The following ATP6V0C variants were observed in gnomAD, a reference collection of about 807,000 sequenced individuals.
ATP6V0C encodes the protein V-type proton ATPase 16 kDa proteolipid subunit c.
A neutral mutation model predicts 10.6 loss-of-function variants in ATP6V0C; 2 were observed. That is an observed-to-expected ratio of 0.19 (90% confidence interval 0.08 to 0.59). The LOEUF is 0.59. ATP6V0C is among the 20% of genes least tolerant of loss of function. The probability of loss-of-function intolerance (pLI) is 0.90; values close to 1 mark genes in which losing one functional copy is unlikely to be tolerated. For synonymous variants in ATP6V0C, 128 were observed against 101.3 expected (o/e 1.26, Z -1.59); for missense variants, 89 against 225.9 (o/e 0.39, Z 3.88).
rs145396449 is a variant in ATP6V0C, at chr16:2,519,381, T to C, written c.243T>C (p.Asn81=). 2 of 1,613,752 alleles carry C rather than the reference T, an allele frequency of 1.2e-6. No individual in the cohort carries two copies. Among genetic ancestry groups the C allele is most frequent in the Non-Finnish European group, 1.7e-6 (2 of 1,179,732 alleles). The change falls in exon 2 of 3, where the codon AAT becomes AAC. Residue 81 remains asparagine, a synonymous_variant. Coordinates refer to ENST00000330398, the MANE Select transcript of ATP6V0C (RefSeq NM_001694.4). The part of the protein sequence containing the change: ...VVAVLIANSL[N]DDISLYKSFL... The stretch of plus-strand genomic sequence containing the variant: ...CAGTCCTCATCGCCAACTCCCTGAA[T>C]GACGACATCAGCCTCTACAAGTGAG...
chr16:2,515,058 C>T (rs951731972), intron 1 of ATP6V0C, among the ~76,000 whole-genome samples: 1 of 152,026 alleles, frequency 6.6e-6, no homozygotes, highest in African/African-American at 2.4e-5. Context: ...TCCTTTCCCT[C>T]CCTGAGGCCT....
Position 2,519,998 on chromosome 16 carries a change from G to A in ATP6V0C, c.*253G>A. ...CCCCCTAGAGTGCTCTGTGTATGCG[G>A]ATGATTTAGAATTGTCATTTCTCTT... On this transcript the variant is annotated 3_prime_UTR_variant, in exon 3 of 3. Transcript: ENST00000330398. The A allele has an allele frequency of 1.4e-6, 1 of 693,770 alleles. No individual in the cohort carries two copies. The highest frequency in any genetic ancestry group is 1.5e-5 in the South Asian group (1 of 66,650). 43.0% of individuals were successfully genotyped at this position (693,770 alleles called of 1,614,324 possible).
chr16:2,514,963 C>G (rs2065869915), intron 1 of ATP6V0C, among the ~76,000 whole-genome samples: 2 of 152,036 alleles, frequency 1.3e-5, no homozygotes, highest in Admixed American at 1.3e-4. Context: ...GCATGGGTGT[C>G]CGAGTTTATG....
chr16:2,514,714 G>C (rs1191395826), intron 1 of ATP6V0C, among the ~76,000 whole-genome samples: 1 of 152,228 alleles, frequency 6.6e-6, no homozygotes, highest in African/African-American at 2.4e-5. Flanking sequence ...CGGCCCCGAG[G>C]GTCAGGTGGG....
chr16:2,519,880 G>T lies in ATP6V0C; in HGVS notation c.*135G>T. The T allele has an allele frequency of 8.2e-7, 1 of 1,223,152 alleles. No homozygotes were observed. The highest frequency in any genetic ancestry group is 1.9e-5 in the Admixed American group (1 of 52,362). 75.8% of individuals were successfully genotyped at this position (1,223,152 alleles called of 1,614,324 possible). A position where few individuals can be genotyped will look rare whatever the true frequency, so the allele number is the denominator to read the frequency against. On this transcript the variant is annotated 3_prime_UTR_variant, in exon 3 of 3. Coordinates refer to ENST00000330398, the MANE Select transcript of ATP6V0C (RefSeq NM_001694.4). ...TCTTGTACATGCGCAGTGTCCTAGT[G>T]CCCATCGTCTGTTTCCCCGGCCTTG...
At chr16:2,513,852 C>T (rs1235551999), upstream of ATP6V0C, 1 of 350,564 alleles carries the variant, frequency 2.9e-6, no homozygotes, top group Non-Finnish European at 5.3e-6. Flanking sequence ...GTCAACGGGC[C>T]GGCCGGGCGT....
intron 1 of ATP6V0C, among the ~76,000 whole-genome samples, chr16:2,515,170 A>G (rs142904059): frequency 2.0e-3 from 311 of 152,146 alleles, no homozygotes; most frequent in African/African-American, 7.2e-3. Flanking sequence ...TGGGCGTCCA[A>G]TTTAGTGACA....
Position 2,519,619 on chromosome 16 carries a change from G to T in ATP6V0C, c.342G>T (p.Gly114=), listed in dbSNP as rs1345599973. The change falls in exon 3 of 3, where the codon GGG becomes GGT. Residue 114 remains glycine (G), a synonymous_variant. Coordinates refer to ENST00000330398, the MANE Select transcript of ATP6V0C (RefSeq NM_001694.4). ...CCGGCTTTGCCATCGGCATCGTGGG[G>T]GACGCTGGCGTGCGGGGCACCGCCC... The part of the protein sequence containing the change: ...LAAGFAIGIV[G]DAGVRGTAQQ... 1.2e-6 allele frequency: 2 copies of T among 1,600,608 alleles called. No homozygotes were observed. Among genetic ancestry groups the T allele is most frequent in the Non-Finnish European group, 1.7e-6 (2 of 1,170,358 alleles).
In ATP6V0C at chr16:2,519,897, C is replaced by A; in HGVS notation, c.*152C>A. 2 of 1,136,386 alleles carry A rather than the reference C, an allele frequency of 1.8e-6. No homozygotes were observed. Among genetic ancestry groups the A allele is most frequent in the East Asian group, 2.5e-5 (1 of 39,306 alleles). The allele number at this position is 1,136,386 out of a possible 1,614,324, so 70.4% of individuals were successfully genotyped here. ...GTCCTAGTGCCCATCGTCTGTTTCC[C>A]CGGCCTTGCCCCCGCCCGCCCCGTG... On this transcript the variant is annotated 3_prime_UTR_variant, in exon 3 of 3. Transcript: ENST00000330398.
chr16:2,516,599 G>T (rs897037347), intron 1 of ATP6V0C: 1 of 152,414 alleles, frequency 6.6e-6, no homozygotes, highest in Non-Finnish European at 1.5e-5. Flanking sequence ...GTCTTAAACC[G>T]AATGAGGTCC....
At chr16:2,518,335 G>T (rs1289879122) in intron 1 of ATP6V0C, among the ~76,000 whole-genome samples, 1 of 152,268 alleles carries the variant, frequency 6.6e-6, no homozygotes, top group Non-Finnish European at 1.5e-5. Context: ...AGGAGGGACA[G>T]CTCTGGAGGA....
intron 2 of ATP6V0C, 41 bp from the exon 3 acceptor site, chr16:2,519,500 T>C: frequency 6.5e-7 from 1 of 1,543,090 alleles, no homozygotes; most frequent in Non-Finnish European, 8.8e-7. Context: ...CTCCCCCTGG[T>C]TGGCAGGCTG....
intron 1 of ATP6V0C, among the ~76,000 whole-genome samples, chr16:2,518,715 C>G (rs933231450): frequency 6.6e-5 from 10 of 152,206 alleles, no homozygotes. Context: ...GAGCTCTGGC[C>G]TGGGTGACAA....
chr16:2,518,228 C>T (rs2065886667), intron 1 of ATP6V0C, among the ~76,000 whole-genome samples: 1 of 152,202 alleles, frequency 6.6e-6, no homozygotes, highest in African/African-American at 2.4e-5. Flanking sequence ...GCAAATGAGC[C>T]CCCGTGACAC....
chr16:2,514,355 C>A, intron 1 of ATP6V0C, 173 bp downstream of exon 1: 2 of 555,908 alleles, frequency 3.6e-6, no homozygotes, highest in South Asian at 9.3e-5. Flanking sequence ...TGCGGGGAGC[C>A]GCCGGGGGTC....
chr16:2,514,838 C>T (rs749897153), intron 1 of ATP6V0C, among the ~76,000 whole-genome samples: 2 of 152,126 alleles, frequency 1.3e-5, no homozygotes, highest in Non-Finnish European at 2.9e-5. Context: ...GGAGAGCCCG[C>T]GGAGACCCGG....
chr16:2,516,781 A>C (rs918459576), intron 1 of ATP6V0C: 1 of 152,440 alleles, frequency 6.6e-6, no homozygotes, highest in Non-Finnish European at 1.5e-5. Context: ...TGTTTCTGCA[A>C]CTGCTTTCTG....
rs2065864101 is a variant in ATP6V0C, at chr16:2,514,061, A to C, written c.-43A>C. On this transcript the variant is annotated 5_prime_UTR_variant, in exon 1 of 3. Coordinates refer to ENST00000330398, the MANE Select transcript of ATP6V0C (RefSeq NM_001694.4). ...GCCCGTCCTCGCCCCCGCCTCCGCC[A>C]CCGCCTCGGCCCGCAGAGCTTGCCC... The C allele has an allele frequency of 1.3e-6, 2 of 1,484,380 alleles. No homozygotes were observed. The highest frequency in any genetic ancestry group is 9.1e-7 in the Non-Finnish European group (1 of 1,096,768). The allele number at this position is 1,484,380 out of a possible 1,614,324, so 92.0% of individuals were successfully genotyped here. A position where few individuals can be genotyped will look rare whatever the true frequency, so the allele number is the denominator to read the frequency against.
At chr16:2,514,294 G>C (rs1026671465) in intron 1 of ATP6V0C, 112 bp downstream of exon 1, 307 of 1,196,022 alleles carry the variant, frequency 2.6e-4, no homozygotes, top group Non-Finnish European at 3.3e-4. Flanking sequence ...CGAGCTGTCG[G>C]GGGCGCCCGG....
Sources: allele counts gnomAD v4.1 joint callset (sites outside exome capture counted in the v4.1 genomes callset), GRCh38; gene constraint gnomAD v4.1.1; transcripts MANE v1.5; gene names NCBI Gene and HGNC (gene_info 2026-07-23, HGNC 2026-07-21).